HNRNPA2B1: variants seen among roughly 807,000 people sequenced by gnomAD.
The protein encoded by HNRNPA2B1 is heterogeneous nuclear ribonucleoproteins A2/B1.
HNRNPA2B1 carries 3 observed loss-of-function variants against 46.3 expected under a neutral mutation model. The observed-to-expected ratio is 0.06, with a 90% confidence interval of 0.03 to 0.17. The LOEUF (loss-of-function observed/expected upper bound fraction) is 0.17, where lower values mean the gene tolerates loss of function less well. Ranked by LOEUF, HNRNPA2B1 falls within the 10% of genes least tolerant of loss-of-function variation. The probability of loss-of-function intolerance (pLI) is 1.00; values close to 1 mark genes in which losing one functional copy is unlikely to be tolerated. For synonymous variants in HNRNPA2B1, 225 were observed against 133.8 expected (o/e 1.68, Z -4.70); for missense variants, 221 against 418.9 (o/e 0.53, Z 4.12).
Position 26,197,550 on chromosome 7 carries a change from T to TA in HNRNPA2B1, c.117+71dup, listed in dbSNP as rs545316710. ...TAGAATTTTTTACTATGCTGATAGT[T>TA]ATTTCCTCCATGATTCACTTAACAT... On this transcript the variant is annotated intron_variant, in intron 2 of 10. Coordinates refer to ENST00000618183, the MANE Select transcript of HNRNPA2B1 (RefSeq NM_002137.4). 3.0e-4 allele frequency: 466 copies of TA among 1,559,946 alleles called. 7 individuals are homozygous for TA. In the East Asian group the frequency reaches 0.01, roughly 35 times the overall value.
chr7:26,200,699 C>T lies in HNRNPA2B1; in HGVS notation c.-122G>A, dbSNP rs571359419. 2.3e-6 allele frequency: 3 copies of T among 1,284,990 alleles called. No individual in the cohort carries two copies. Among genetic ancestry groups the T allele is most frequent in the Non-Finnish European group, 3.4e-6 (3 of 888,632 alleles). 79.6% of individuals were successfully genotyped at this position (1,284,990 alleles called of 1,614,324 possible). On this transcript the variant is annotated 5_prime_UTR_variant, in exon 1 of 11. Transcript: ENST00000618183. ...GTGAGAACTGCCGCTGCTCGAGAAA[C>T]AACTCTGCGAGGAGCACCTCCGCAC...
At position 26,200,721 on chromosome 7, in the gene HNRNPA2B1, G is replaced by A. The variant is rs760113718; in HGVS notation, c.-144C>T. 60 of 1,027,002 alleles carry A rather than the reference G, an allele frequency of 5.8e-5. No individual in the cohort carries two copies. The highest frequency in any genetic ancestry group is 7.6e-5 in the Non-Finnish European group (50 of 660,914). 63.6% of individuals were successfully genotyped at this position (1,027,002 alleles called of 1,614,324 possible). Reference sequence around the variant, plus strand: ...AAACAACTCTGCGAGGAGCACCTCCGCACGGGACCCGGCGCTGCTGCTACT... The same window carrying A: ...AAACAACTCTGCGAGGAGCACCTCCACACGGGACCCGGCGCTGCTGCTACT... On this transcript the variant is annotated 5_prime_UTR_variant, in exon 1 of 11. Transcript: ENST00000618183.
chr7:26,195,523 A>AG (rs1783474137), intron 7 of HNRNPA2B1, among the ~76,000 whole-genome samples: 1 of 152,168 alleles, frequency 6.6e-6, no homozygotes, highest in Non-Finnish European at 1.5e-5. Context: ...CCACCCCCTT[A>AG]GGTTTTACTC....
In HNRNPA2B1 at chr7:26,198,490, T is replaced by C. The variant is rs1289056348; in HGVS notation, c.7-758A>G. 3 of 152,306 alleles carry C rather than the reference T, an allele frequency of 2.0e-5. No individual in the cohort carries two copies. In the East Asian group the frequency reaches 5.8e-4, roughly 29 times the overall value. 9.4% of individuals were successfully genotyped at this position (152,306 alleles called of 1,614,324 possible). On this transcript the variant is annotated intron_variant, in intron 1 of 10. Coordinates refer to ENST00000618183, the MANE Select transcript of HNRNPA2B1 (RefSeq NM_002137.4). ...ATATATGACAATACAGAATATGAAT[T>C]ACTCAGCTTAACCATATGTACAATA...
chr7:26,199,383 G>A (rs951081823), intron 1 of HNRNPA2B1: 3 of 152,306 alleles, frequency 2.0e-5, no homozygotes, highest in Non-Finnish European at 4.4e-5. Context: ...GAGCGGCCCA[G>A]GCCCAAAACA....
rs914028198 is a variant in HNRNPA2B1 at position 26,191,870 on chromosome 7, C to G, written c.*490G>C. 1.3e-5 allele frequency: 2 copies of G among 152,584 alleles called. No individual in the cohort carries two copies. Among genetic ancestry groups the G allele is most frequent in the Admixed American group, 6.5e-5 (1 of 15,288 alleles). 9.5% of individuals were successfully genotyped at this position (152,584 alleles called of 1,614,324 possible). ...TTCCTTTAGAATTATTTTATTAAAT[C>G]ATAAATGTACAACAGCTTCTTAACT... is the stretch of plus-strand genomic sequence containing the variant. On this transcript the variant is annotated 3_prime_UTR_variant, in exon 11 of 11. Coordinates refer to ENST00000618183, the MANE Select transcript of HNRNPA2B1 (RefSeq NM_002137.4).
intron 8 of HNRNPA2B1, 78 bp downstream of exon 8, chr7:26,193,486 TCTAGTGACAAA>T (rs1481660774): frequency 1.6e-4 from 239 of 1,530,132 alleles, no homozygotes; most frequent in Non-Finnish European, 4.5e-5. Flanking sequence ...TTTATGGGCA[TCTAGTGACAAA>T]CATGGAAACA....
chr7:26,193,138 C>T lies in HNRNPA2B1; in HGVS notation c.964+113G>A, dbSNP rs1187469868. 7.9e-6 allele frequency: 8 copies of T among 1,018,216 alleles called. No homozygotes were observed. In the East Asian group the frequency reaches 9.7e-5, roughly 12 times the overall value. 63.1% of individuals were successfully genotyped at this position (1,018,216 alleles called of 1,614,324 possible). On this transcript the variant is annotated intron_variant, in intron 9 of 10. Transcript: ENST00000618183. Reference sequence around the variant, plus strand: ...TTTCTTTATTTTCACTAAGACCGTACATGGAGCACTGCCCACAGTACAAAC... The same window carrying T: ...TTTCTTTATTTTCACTAAGACCGTATATGGAGCACTGCCCACAGTACAAAC...
chr7:26,196,517 T>TAAA, intron 5 of HNRNPA2B1, 36 bp from the exon 6 acceptor site: 1 of 1,612,980 alleles, frequency 6.2e-7, no homozygotes, highest in Non-Finnish European at 8.5e-7. Flanking sequence ...CAAGCCCTTA[T>TAAA]ATATGAACAA....
Position 26,192,479 on chromosome 7 carries a change from C to T in HNRNPA2B1, c.*21+16G>A. The T allele has an allele frequency of 1.9e-6, 3 of 1,550,084 alleles. No homozygotes were observed. The African/African-American group carries it at 4.1e-5, about 21-fold the overall frequency. On this transcript the variant is annotated intron_variant, in intron 10 of 10. Coordinates refer to ENST00000618183, the MANE Select transcript of HNRNPA2B1 (RefSeq NM_002137.4). ...TCCCAAGATAATAATAATTGTAAAA[C>T]TCAAAAGCTACTTACCCATGGCAAA...
In HNRNPA2B1 at chr7:26,192,475, A is replaced by T; in HGVS notation, c.*21+20T>A. 6.6e-7 allele frequency: 1 copy of T among 1,515,808 alleles called. No individual in the cohort carries two copies. Among genetic ancestry groups the T allele is most frequent in the Non-Finnish European group, 9.2e-7 (1 of 1,091,078 alleles). The allele number at this position is 1,515,808 out of a possible 1,614,324, so 93.9% of individuals were successfully genotyped here. A position where few individuals can be genotyped will look rare whatever the true frequency, so the allele number is the denominator to read the frequency against. On this transcript the variant is annotated intron_variant, in intron 10 of 10. Coordinates refer to ENST00000618183, the MANE Select transcript of HNRNPA2B1 (RefSeq NM_002137.4). ...TGTCTCCCAAGATAATAATAATTGT[A>T]AAACTCAAAAGCTACTTACCCATGG...
intron 4 of HNRNPA2B1, 64 bp downstream of exon 4, chr7:26,196,743 A>G (rs1394589857): frequency 3.2e-6 from 5 of 1,560,348 alleles, no homozygotes; most frequent in East Asian, 2.3e-5. Flanking sequence ...AAAGTTACAG[A>G]TGTTAACATA....
chr7:26,199,514 TG>T (rs1419792890), intron 1 of HNRNPA2B1: 1 of 152,248 alleles, frequency 6.6e-6, no homozygotes, highest in Non-Finnish European at 1.5e-5. Context: ...TAAAGGTCCA[TG>T]GATCTGTCCC....
At chr7:26,197,179 A>C in intron 3 of HNRNPA2B1, 136 bp downstream of exon 3, 1 of 1,213,452 alleles carries the variant, frequency 8.2e-7, no homozygotes, top group Non-Finnish European at 1.2e-6. Flanking sequence ...CTAGCTTAAG[A>C]AAATGGTCCA....
At chr7:26,198,042 T>C (rs1479722244) in intron 1 of HNRNPA2B1, 4 of 439,668 alleles carry the variant, frequency 9.1e-6, no homozygotes, top group African/African-American at 2.1e-5. Context: ...AAAAAAACTT[T>C]CTAAGGAAAA....
rs1783138363 is a variant in HNRNPA2B1 at position 26,193,459 on chromosome 7, AAC to A, written c.842-88_842-87del. 4 of 1,534,208 alleles carry A rather than the reference AAC, an allele frequency of 2.6e-6. No homozygotes were observed. The South Asian group carries it at 3.7e-5, about 14-fold the overall frequency. ...GCTCCCATAAAAACAAATAAAAGCAAACACTTATCCACAAATTTTATGGGCAT... is the reference window on the plus strand; with the variant it reads ...GCTCCCATAAAAACAAATAAAAGCAAACTTATCCACAAATTTTATGGGCAT... On this transcript the variant is annotated intron_variant, in intron 8 of 10. Transcript: ENST00000618183.
At chr7:26,197,799 C>T (rs1298907715) in intron 1 of HNRNPA2B1, 67 bp from the exon 2 acceptor site, 1 of 1,604,066 alleles carries the variant, frequency 6.2e-7, no homozygotes, top group South Asian at 1.1e-5. Context: ...AAATTAAATT[C>T]TTAAATATGA....
intron 1 of HNRNPA2B1, chr7:26,199,146 AGTTTT>A (rs771684733): frequency 2.6e-5 from 4 of 152,554 alleles, no homozygotes; most frequent in Non-Finnish European, 5.9e-5. Flanking sequence ...ATTTATAACA[AGTTTT>A]ACAAATCACT....
At chr7:26,197,978 T>C (rs1783838338) in intron 1 of HNRNPA2B1, 3 of 572,118 alleles carry the variant, frequency 5.2e-6, no homozygotes, top group Admixed American at 7.2e-5. Flanking sequence ...TCAAAGTCAT[T>C]AATGCTTGAT....
Sources: allele counts gnomAD v4.1 joint callset (sites outside exome capture counted in the v4.1 genomes callset), GRCh38; gene constraint gnomAD v4.1.1; transcripts MANE v1.5; gene names NCBI Gene and HGNC (gene_info 2026-07-23, HGNC 2026-07-21).